Variants in DOCK10 observed in about 807,000 individuals in gnomAD.
The protein encoded by DOCK10 is dedicator of cytokinesis 10.
A neutral mutation model predicts 280.1 loss-of-function variants in DOCK10; 145 were observed. The ratio of observed to expected loss-of-function variants is 0.52; its 90% CI spans 0.45 to 0.59. The LOEUF (loss-of-function observed/expected upper bound fraction) is 0.59. Among genes scored for constraint, DOCK10 ranks in the 20% least tolerant of loss-of-function variants. DOCK10 has a pLI of 0.00. For missense variants in DOCK10, 2,368 were observed against 2,651.7 expected (o/e 0.89, Z 2.35); for synonymous variants, 915 against 942.2 (o/e 0.97, Z 0.53).
chr2:224,836,898 C>T (rs897781905), intron 25 of DOCK10, among the ~76,000 whole-genome samples: 2 of 144,654 alleles, frequency 1.4e-5, no homozygotes, highest in African/African-American at 2.8e-5. Flanking sequence ...CACGCTTGGC[C>T]GATTTTTTTT....
chr2:224,819,085 A>G (rs574031558), intron 29 of DOCK10, among the ~76,000 whole-genome samples: 8 of 152,186 alleles, frequency 5.3e-5, no homozygotes, highest in African/African-American at 1.2e-4. Flanking sequence ...AGGGTATTCA[A>G]CTGTCCCATT....
chr2:224,820,635 C>T (rs1290979523), intron 28 of DOCK10, among the ~76,000 whole-genome samples: 1 of 152,216 alleles, frequency 6.6e-6, no homozygotes, highest in African/African-American at 2.4e-5. Flanking sequence ...CAGGACTACA[C>T]ATAAAATCTT....
rs758411180 is a variant in DOCK10, at chr2:224,787,104, C to T, written c.5573G>A (p.Arg1858Gln). 1.5e-5 allele frequency: 24 copies of T among 1,613,778 alleles called. No individual in the cohort carries two copies. Among genetic ancestry groups the T allele is most frequent in the African/African-American group, 4.0e-5 (3 of 74,902 alleles). The part of the protein sequence containing the change: ...KLSDLYYDIH[R>Q]SYLKVAEVVN... ...CACCTCTGCCACTTTCAGATATGAC[C>T]GATGAATGTCGTAGTAGAGATCTGA... Residue 1858 changes from arginine (R) to glutamine (Q), a missense_variant, in exon 50 of 56, where the codon CGG becomes CAG. By Grantham distance (43) the Arg-to-Gln change is conservative. Coordinates refer to ENST00000258390, the MANE Select transcript of DOCK10 (RefSeq NM_014689.3).
intron 2 of DOCK10, among the ~76,000 whole-genome samples, chr2:224,922,694 A>C (rs1314803092): frequency 6.6e-6 from 1 of 152,200 alleles, no homozygotes; most frequent in African/African-American, 2.4e-5. Flanking sequence ...TGGCTACAGA[A>C]GACTTCCTTC....
At chr2:224,952,175 T>C (rs1483540592) in intron 1 of DOCK10, among the ~76,000 whole-genome samples, 1 of 152,218 alleles carries the variant, frequency 6.6e-6, no homozygotes, top group Non-Finnish European at 1.5e-5. Context: ...GTACGAAAAT[T>C]CATGTTTGAA....
intron 1 of DOCK10, among the ~76,000 whole-genome samples, chr2:224,985,398 CATAT>C (rs1325059173): frequency 6.6e-6 from 1 of 151,168 alleles, no homozygotes; most frequent in Non-Finnish European, 1.5e-5. Flanking sequence ...TATGTTATTT[CATAT>C]ATAAAAATTT....
chr2:225,030,673 ATTTTG>A (rs888236184), intron 1 of DOCK10, among the ~76,000 whole-genome samples: 1 of 152,024 alleles, frequency 6.6e-6, no homozygotes, highest in African/African-American at 2.4e-5. Flanking sequence ...GCCAATCAAG[ATTTTG>A]TTTTGTTTCT....
intron 1 of DOCK10, among the ~76,000 whole-genome samples, chr2:225,017,717 A>AAAAG (rs2106089508): frequency 1.3e-5 from 2 of 152,142 alleles, no homozygotes; most frequent in East Asian, 3.9e-4. Flanking sequence ...AAAAAAAAAA[A>AAAAG]AAAGCAAAAA....
intron 50 of DOCK10, among the ~76,000 whole-genome samples, chr2:224,778,970 A>C (rs758373122): frequency 1.2e-4 from 18 of 152,226 alleles, no homozygotes; most frequent in Non-Finnish European, 2.9e-5. Flanking sequence ...GGAAGACATT[A>C]TAGGATTAAA....
intron 13 of DOCK10, among the ~76,000 whole-genome samples, 164 bp from the exon 14 acceptor site, chr2:224,862,910 G>A (rs539006233): frequency 4.1e-4 from 62 of 152,236 alleles, no homozygotes; most frequent in Non-Finnish European, 2.6e-4. Context: ...TGTCCTATGT[G>A]TTCAAACTAT....
chr2:224,961,262 T>C (rs1181012271), intron 1 of DOCK10, among the ~76,000 whole-genome samples: 2 of 152,192 alleles, frequency 1.3e-5, no homozygotes, highest in Non-Finnish European at 2.9e-5. Context: ...ACTTGAGAAA[T>C]GCTGCGTTGA....
In DOCK10 at chr2:224,805,327, A is replaced by T. The variant is rs376586840; in HGVS notation, c.3937-7T>A. 2.5e-6 allele frequency: 4 copies of T among 1,612,788 alleles called. No individual in the cohort carries two copies. In the South Asian group the frequency reaches 4.4e-5, roughly 18 times the overall value. On this transcript the variant is annotated splice_polypyrimidine_tract_variant and splice_region_variant and intron_variant, in intron 35 of 55. Transcript: ENST00000258390. This position sits in a 1 kb window ranked among gnomAD's most constrained non-coding sequence, Gnocchi z 4.3. Reference sequence around the variant, plus strand: ...AAGACAAGGGTCTTGGGATCTGGGAATTCAAGAACCAATCAGGATTGAGTG... The same window carrying T: ...AAGACAAGGGTCTTGGGATCTGGGATTTCAAGAACCAATCAGGATTGAGTG...
intron 2 of DOCK10, among the ~76,000 whole-genome samples, chr2:224,919,019 G>A (rs1015535883): frequency 6.8e-5 from 10 of 146,106 alleles, no homozygotes; most frequent in East Asian, 2.1e-4. Context: ...ATGTATATAC[G>A]CACAGGGTGT....
At chr2:224,834,082 C>T in intron 26 of DOCK10, 68 bp downstream of exon 26, 3 of 897,626 alleles carry the variant, frequency 3.3e-6, no homozygotes, top group East Asian at 2.4e-5. Flanking sequence ...TGACTCCTAT[C>T]ATTTTCCAGG....
Position 224,805,579 on chromosome 2 carries a change from A to G in DOCK10, c.3815-50T>C. ...GTATGGGAATGAGATGTATGGGCACACACACACAAAAGGTTCACATGATGA... is the reference window on the plus strand; with the variant it reads ...GTATGGGAATGAGATGTATGGGCACGCACACACAAAAGGTTCACATGATGA... On this transcript the variant is annotated intron_variant, in intron 34 of 55. Coordinates refer to ENST00000258390, the MANE Select transcript of DOCK10 (RefSeq NM_014689.3). The surrounding 1 kb of genome is among the most constrained non-coding windows in gnomAD (Gnocchi z 4.3). The G allele has an allele frequency of 6.2e-7, 1 of 1,606,412 alleles. No homozygotes were observed. Among genetic ancestry groups the G allele is most frequent in the Non-Finnish European group, 8.5e-7 (1 of 1,176,364 alleles).
rs139942061 is a variant in DOCK10 at position 224,849,801 on chromosome 2, A to G, written c.2143-202T>C. On this transcript the variant is annotated intron_variant, in intron 18 of 55. Coordinates refer to ENST00000258390, the MANE Select transcript of DOCK10 (RefSeq NM_014689.3). ...TATTATACAATGAAAGCTGCTGAAG[A>G]TAATTTGATGGCTTTCATTCATCAT... 4.0e-3 allele frequency among the ~76,000 whole-genome samples: 614 copies of G among 152,348 alleles called. 4 individuals are homozygous for G. Among genetic ancestry groups the G allele is most frequent in the African/African-American group, 0.014 (581 of 41,582 alleles).
chr2:224,903,566 G>T (rs1428047216), intron 3 of DOCK10, among the ~76,000 whole-genome samples: 1 of 152,264 alleles, frequency 6.6e-6, no homozygotes, highest in East Asian at 1.9e-4. Flanking sequence ...TTCCCAGCTA[G>T]ATCTCACAAG....
At chr2:224,855,102 G>A in intron 15 of DOCK10, 60 bp from the exon 16 acceptor site, 1 of 366,552 alleles carries the variant, frequency 2.7e-6, no homozygotes, top group Non-Finnish European at 3.7e-6. Context: ...CACACACACA[G>A]AGTATTATTC....
intron 3 of DOCK10, among the ~76,000 whole-genome samples, chr2:224,915,478 G>A (rs1701254062): frequency 6.6e-6 from 1 of 151,216 alleles, no homozygotes; most frequent in South Asian, 2.1e-4. Context: ...ATGGAATTGG[G>A]AAAAAAAAGA....
Sources: allele counts gnomAD v4.1 joint callset (sites outside exome capture counted in the v4.1 genomes callset), GRCh38; gene constraint gnomAD v4.1.1; non-coding constraint Gnocchi (gnomAD v3.1); transcripts MANE v1.5; gene names NCBI Gene and HGNC (gene_info 2026-07-23, HGNC 2026-07-21).